The following TFB2M variants were observed in gnomAD, a reference collection of about 807,000 sequenced individuals.
TFB2M encodes transcription factor B2, mitochondrial.
TFB2M carries 44 observed loss-of-function variants against 41.3 expected under a neutral mutation model. That is an observed-to-expected ratio of 1.07 (90% CI 0.84 to 1.37). The LOEUF (loss-of-function observed/expected upper bound fraction) is 1.37. TFB2M is among the 40% of genes most tolerant of loss of function. The pLI is 0.00. For synonymous variants in TFB2M, 188 were observed against 176.8 expected, an observed-to-expected ratio of 1.06 and a Z score of -0.50; for missense variants, 496 against 490.2, an observed-to-expected ratio of 1.01 and a Z score of -0.11.
chr1:246,542,082 T>C (rs1479009898), intron 7 of TFB2M, among the ~76,000 whole-genome samples: 1 of 152,148 alleles, frequency 6.6e-6, no homozygotes, highest in East Asian at 1.9e-4. Context: ...AGCATGTTAC[T>C]GTACTGAATA....
chr1:246,545,052 G>T (rs575390808), intron 6 of TFB2M, among the ~76,000 whole-genome samples: 6 of 135,938 alleles, frequency 4.4e-5, no homozygotes, highest in Non-Finnish European at 9.6e-5. Flanking sequence ...TGATCCGCCC[G>T]CCTCGGCCTC....
intron 4 of TFB2M, among the ~76,000 whole-genome samples, chr1:246,551,868 C>T (rs1437664591): frequency 6.6e-6 from 1 of 152,208 alleles, no homozygotes; most frequent in Non-Finnish European, 1.5e-5. Flanking sequence ...TCCTATTCTT[C>T]TCCTTGTCTT....
intron 5 of TFB2M, among the ~76,000 whole-genome samples, chr1:246,549,332 A>G (rs546581545): frequency 3.3e-5 from 5 of 152,350 alleles, no homozygotes; most frequent in African/African-American, 1.2e-4. Flanking sequence ...CTGTAATCCC[A>G]GCACTTTGGG....
chr1:246,554,516 C>T (rs61852366), intron 4 of TFB2M, among the ~76,000 whole-genome samples: 85,232 of 151,766 alleles, frequency 0.56, 24,273 homozygotes, highest in East Asian at 0.83. Flanking sequence ...CTGGGTTTTG[C>T]AAGGGCCTTA....
At chr1:246,551,169 T>C (rs759345616) in intron 5 of TFB2M, 44 bp downstream of exon 5, 4 of 1,485,630 alleles carry the variant, frequency 2.7e-6, no homozygotes, top group Non-Finnish European at 3.8e-6. Context: ...AATGAGACCC[T>C]GTCGCTAAAG....
chr1:246,546,962 T>TACACACACACACAC (rs1191913962), intron 6 of TFB2M, among the ~76,000 whole-genome samples: 3 of 73,964 alleles, frequency 4.1e-5, no homozygotes, highest in African/African-American at 1.0e-4. Context: ...TATATATGTA[T>TACACACACACACAC]ATATACACAC....
chr1:246,545,561 A>G (rs1203058734), intron 6 of TFB2M, among the ~76,000 whole-genome samples: 1 of 151,386 alleles, frequency 6.6e-6, no homozygotes, highest in Non-Finnish European at 1.5e-5. Context: ...ATGAAGGAGG[A>G]GGATTCATTG....
In TFB2M at chr1:246,551,251, T is replaced by C. The variant is rs773469202; in HGVS notation, c.757A>G (p.Ile253Val). ...NPDLYHVLSVIWQLACEIKVL... is the reference protein window; with the variant it reads ...NPDLYHVLSVVWQLACEIKVL... ...TTAATCTCACAAGCTAATTGCCAGA[T>C]AACACTTAATACATGATACAAGTCT... Residue 253 changes from isoleucine (I) to valine (V), a missense_variant, in exon 5 of 8, where the codon ATC (isoleucine) becomes GTC (valine). Coordinates refer to ENST00000366514, the MANE Select transcript of TFB2M (RefSeq NM_022366.3). 7 of 1,613,854 alleles carry C rather than the reference T, an allele frequency of 4.3e-6. No individual in the cohort carries two copies. In the East Asian group the frequency reaches 1.3e-4, roughly 31 times the overall value.
intron 1 of TFB2M, 147 bp from the exon 2 acceptor site, chr1:246,564,581 T>C (rs1659547778): frequency 1.5e-6 from 1 of 648,816 alleles, no homozygotes; most frequent in Admixed American, 2.8e-5. Flanking sequence ...CCTTTTTACA[T>C]ATAAGGAAAC....
chr1:246,564,694 T>C (rs1367548544), intron 1 of TFB2M, among the ~76,000 whole-genome samples: 3 of 152,010 alleles, frequency 2.0e-5, no homozygotes, highest in Non-Finnish European at 2.9e-5. Context: ...TTTTTTTTTT[T>C]TTTGAGACGA....
At chr1:246,560,023 A>C (rs1206785901) in intron 2 of TFB2M, among the ~76,000 whole-genome samples, 1 of 152,180 alleles carries the variant, frequency 6.6e-6, no homozygotes, top group Non-Finnish European at 1.5e-5. Context: ...CATACAGCCC[A>C]GGACGGCTTT....
intron 5 of TFB2M, among the ~76,000 whole-genome samples, chr1:246,549,218 A>G (rs893282781): frequency 1.3e-5 from 2 of 152,072 alleles, no homozygotes; most frequent in Non-Finnish European, 2.9e-5. Context: ...ACCTAGTGTC[A>G]ATTTTAAAAT....
At position 246,566,197 on chromosome 1, in the gene TFB2M, C is replaced by T. The variant is rs1659668390; in HGVS notation, c.-59G>A. 6.5e-7 allele frequency: 1 copy of T among 1,531,104 alleles called. No homozygotes were observed. The highest frequency in any genetic ancestry group is 1.9e-5 in the Admixed American group (1 of 52,182). 94.8% of individuals were successfully genotyped at this position (1,531,104 alleles called of 1,614,324 possible). On this transcript the variant is annotated 5_prime_UTR_variant, in exon 1 of 8. It introduces an in-frame stop codon into an upstream open reading frame of the 5' UTR. Coordinates refer to ENST00000366514, the MANE Select transcript of TFB2M (RefSeq NM_022366.3). ...CTAGTGCAGCTACTACAGTGAACCC[C>T]ACGCAGGGTATCCCACGTGGAACAT...
rs989628992 is a variant in TFB2M, at chr1:246,566,214, G to C, written c.-76C>G. ...GTGAACCCCACGCAGGGTATCCCAC[G>C]TGGAACATTTTCTGGCGTCCGGGCC... On this transcript the variant is annotated 5_prime_UTR_variant, in exon 1 of 8. Coordinates refer to ENST00000366514, the MANE Select transcript of TFB2M (RefSeq NM_022366.3). 7 of 1,473,374 alleles carry C rather than the reference G, an allele frequency of 4.8e-6. No individual in the cohort carries two copies. The highest frequency in any genetic ancestry group is 2.5e-4 in the Middle Eastern group (1 of 3,984). 91.3% of individuals were successfully genotyped at this position (1,473,374 alleles called of 1,614,324 possible).
intron 7 of TFB2M, 50 bp downstream of exon 7, chr1:246,544,471 A>G: frequency 1.3e-6 from 2 of 1,485,200 alleles, no homozygotes; most frequent in Non-Finnish European, 1.8e-6. Flanking sequence ...ATGAAAGAAT[A>G]ATTTGTGCAT....
intron 4 of TFB2M, among the ~76,000 whole-genome samples, chr1:246,551,920 G>A (rs995570230): frequency 1.3e-5 from 2 of 152,124 alleles, no homozygotes; most frequent in Non-Finnish European, 2.9e-5. Flanking sequence ...AGGTCCTGAG[G>A]CCCTCGCTGT....
chr1:246,542,202 G>C (rs1354931903), intron 7 of TFB2M, among the ~76,000 whole-genome samples: 1 of 151,504 alleles, frequency 6.6e-6, no homozygotes, highest in East Asian at 1.9e-4. Flanking sequence ...ACTACTGACT[G>C]AAACGAGGTA....
intron 6 of TFB2M, among the ~76,000 whole-genome samples, chr1:246,545,224 T>C (rs938370188): frequency 2.0e-5 from 3 of 152,102 alleles, no homozygotes; most frequent in Non-Finnish European, 2.9e-5. Flanking sequence ...ATAACGTCTC[T>C]CTCCAGGACA....
At chr1:246,564,229 G>A in intron 2 of TFB2M, 117 bp downstream of exon 2, 1 of 809,296 alleles carries the variant, frequency 1.2e-6, no homozygotes, top group Non-Finnish European at 2.0e-6. Flanking sequence ...AGATATTTCA[G>A]AGATGGCTCC....
Sources: gnomAD v4.1 joint callset for allele counts (sites outside exome capture counted in the v4.1 genomes callset) on GRCh38, gnomAD v4.1.1 for gene constraint, MANE v1.5 for transcripts, NCBI Gene and HGNC (gene_info 2026-07-23, HGNC 2026-07-21) for gene names.